Variants in KLRG1 observed in about 807,000 individuals in gnomAD.
The protein encoded by KLRG1 is killer cell lectin-like receptor subfamily G member 1.
In KLRG1, 16 loss-of-function variants were observed where a neutral mutation model predicts 21.8. The ratio of observed to expected loss-of-function variants is 0.73; its 90% CI spans 0.50 to 1.11. The LOEUF is 1.11. KLRG1 is among the 50% of genes most tolerant of loss of function. The probability of loss-of-function intolerance (pLI) is 0.00; values close to 1 mark genes in which losing one functional copy is unlikely to be tolerated. For synonymous variants in KLRG1, 69 were observed against 75.9 expected, an observed-to-expected ratio of 0.91 and a Z score of 0.47; for missense variants, 173 against 218.3, an observed-to-expected ratio of 0.79 and a Z score of 1.31.
chr12:9,147,445 C>CT, the KLRG1 span, among the ~76,000 whole-genome samples: 2 of 152,144 alleles, frequency 1.3e-5, no homozygotes, highest in South Asian at 4.1e-4. Flanking sequence ...TCTGAATCTT[C>CT]TTTTTTCTGT....
At chr12:9,025,817 G>A in the KLRG1 span, among the ~76,000 whole-genome samples, 1 of 152,168 alleles carries the variant, frequency 6.6e-6, no homozygotes, top group Admixed American at 6.5e-5. Flanking sequence ...TATTACAAGT[G>A]ATAGGGAAGT....
At chr12:9,079,858 A>G in the KLRG1 span, 3 of 1,475,638 alleles carry the variant, frequency 2.0e-6, no homozygotes, top group East Asian at 2.3e-5. Flanking sequence ...CTTGGAGATT[A>G]TCATCTATCA....
the KLRG1 span, chr12:9,068,742 G>A: frequency 3.8e-5 from 60 of 1,595,520 alleles, no homozygotes; most frequent in Non-Finnish European, 4.6e-5. Flanking sequence ...TCACTCACCC[G>A]TCTCGTAGTA....
chr12:9,092,545 G>A, the KLRG1 span, among the ~76,000 whole-genome samples: 1 of 152,182 alleles, frequency 6.6e-6, no homozygotes, highest in Non-Finnish European at 1.5e-5. Flanking sequence ...CCAGGAGCCT[G>A]AAAGGGAGTA....
At chr12:9,056,176 G>A in the KLRG1 span, among the ~76,000 whole-genome samples, 1 of 152,134 alleles carries the variant, frequency 6.6e-6, no homozygotes, top group South Asian at 2.1e-4. Context: ...CTTGAGAATG[G>A]GAGCTTCAAC....
chr12:9,160,478 C>T, the KLRG1 span: 1 of 1,612,854 alleles, frequency 6.2e-7, no homozygotes, highest in East Asian at 2.2e-5. Context: ...CATAGCAGAA[C>T]CTAATATGTC....
the KLRG1 span, chr12:9,203,647 G>A: frequency 8.1e-7 from 1 of 1,235,220 alleles, no homozygotes; most frequent in African/African-American, 1.5e-5. Flanking sequence ...GGCCCCTGAA[G>A]TCCTAACTAC....
intron 1 of KLRG1, among the ~76,000 whole-genome samples, chr12:8,960,273 G>A (rs1946361356): frequency 6.6e-6 from 1 of 152,124 alleles, no homozygotes; most frequent in Non-Finnish European, 1.5e-5. Flanking sequence ...AGTTTGAGAA[G>A]ACTAAGGCAA....
the KLRG1 span, among the ~76,000 whole-genome samples, chr12:9,030,766 A>G: frequency 6.6e-6 from 1 of 152,238 alleles, no homozygotes; most frequent in Non-Finnish European, 1.5e-5. Context: ...GAAAACCACA[A>G]TAACACAAAT....
the KLRG1 span, chr12:9,112,519 G>A: frequency 6.2e-7 from 1 of 1,613,622 alleles, no homozygotes; most frequent in Non-Finnish European, 8.5e-7. Flanking sequence ...CCTCCTCATT[G>A]GATGAAGACT....
the KLRG1 span, chr12:9,200,230 C>T: frequency 2.7e-5 from 14 of 521,098 alleles, no homozygotes; most frequent in South Asian, 1.8e-4. Context: ...AATAGTAAGT[C>T]GTTAAATAAA....
At chr12:9,168,004 T>TA in the KLRG1 span, among the ~76,000 whole-genome samples, 2 of 152,224 alleles carry the variant, frequency 1.3e-5, no homozygotes, top group African/African-American at 4.8e-5. Flanking sequence ...CATGGCCCTT[T>TA]AAAAGGTGTC....
chr12:9,118,476 C>A, the KLRG1 span, among the ~76,000 whole-genome samples: 114 of 152,262 alleles, frequency 7.5e-4, no homozygotes, highest in African/African-American at 2.7e-3. Flanking sequence ...CAGATGGAAG[C>A]CATGTGTTAA....
chr12:9,071,365 TG>T, the KLRG1 span, among the ~76,000 whole-genome samples: 1 of 152,088 alleles, frequency 6.6e-6, no homozygotes, highest in Admixed American at 6.5e-5. Context: ...CCCGAGAGTT[TG>T]CATCCGAAAT....
At chr12:9,117,076 G>A in the KLRG1 span, among the ~76,000 whole-genome samples, 4 of 152,092 alleles carry the variant, frequency 2.6e-5, no homozygotes, top group South Asian at 6.2e-4. Context: ...TGGTTGTCTC[G>A]AAGAACAAAG....
At chr12:8,993,394 T>C (rs1250826524) in intron 2 of KLRG1, among the ~76,000 whole-genome samples, 3 of 152,078 alleles carry the variant, frequency 2.0e-5, no homozygotes, top group Non-Finnish European at 4.4e-5. Flanking sequence ...GTTCAAGCGA[T>C]TCTCATGCCT....
the KLRG1 span, among the ~76,000 whole-genome samples, chr12:9,043,334 T>C: frequency 6.6e-6 from 1 of 152,214 alleles, no homozygotes; most frequent in Admixed American, 6.5e-5. Flanking sequence ...TGCCTTGGGC[T>C]CCCAAAGTGT....
chr12:9,126,201 A>G, the KLRG1 span, among the ~76,000 whole-genome samples: 1 of 152,252 alleles, frequency 6.6e-6, no homozygotes, highest in Non-Finnish European at 1.5e-5. Context: ...ACAGTATTTA[A>G]TATTGTACTA....
chr12:9,158,538 C>G, the KLRG1 span: 1 of 1,613,994 alleles, frequency 6.2e-7, no homozygotes, highest in Non-Finnish European at 8.5e-7. Flanking sequence ...GATGTAGGAT[C>G]GAGCCTGGGC....
Sources: gnomAD v4.1 joint callset for allele counts (sites outside exome capture counted in the v4.1 genomes callset) on GRCh38, gnomAD v4.1.1 for gene constraint, MANE v1.5 for transcripts, NCBI Gene and HGNC (gene_info 2026-07-23, HGNC 2026-07-21) for gene names.